Variants in ANO4 observed in about 807,000 individuals in gnomAD.
ANO4 encodes the protein anoctamin 4.
Under a neutral mutation model 141.9 loss-of-function variants are expected in ANO4, and 69 were observed. The observed-to-expected ratio is 0.49, with a 90% CI of 0.40 to 0.59. The LOEUF (loss-of-function observed/expected upper bound fraction) is 0.59. Ranked by LOEUF, ANO4 falls within the 20% of genes least tolerant of loss-of-function variation. The pLI, the probability that ANO4 is intolerant of heterozygous loss-of-function variation, is 0.00. For synonymous variants in ANO4, 350 were observed against 394.3 expected, an observed-to-expected ratio of 0.89 and a Z score of 1.33; for missense variants, 894 against 1,162.2, an observed-to-expected ratio of 0.77 and a Z score of 3.36.
intron 8 of ANO4, among the ~76,000 whole-genome samples, chr12:100,989,228 C>T (rs892772131): frequency 1.3e-5 from 2 of 151,988 alleles, no homozygotes; most frequent in Non-Finnish European, 2.9e-5. Flanking sequence ...AATCTTAGTT[C>T]GATCCTCAAG....
At chr12:100,791,824 A>G (rs1045046277), upstream of ANO4, among the ~76,000 whole-genome samples, 1 of 152,168 alleles carries the variant, frequency 6.6e-6, no homozygotes, top group African/African-American at 2.4e-5. Context: ...TACTTACACT[A>G]TGGGTGCTGC....
chr12:100,826,515 C>G (rs1395496053), intron 1 of ANO4, among the ~76,000 whole-genome samples: 1 of 151,974 alleles, frequency 6.6e-6, no homozygotes, highest in Non-Finnish European at 1.5e-5. Context: ...TCCATACCAG[C>G]GTGTTGGGTG....
chr12:100,743,940 A>G (rs2031984144), intron 3 of ANO4, among the ~76,000 whole-genome samples: 1 of 152,074 alleles, frequency 6.6e-6, no homozygotes, highest in African/African-American at 2.4e-5. Flanking sequence ...AATTTTTGAT[A>G]ACCAAGATTT....
intron 3 of ANO4, among the ~76,000 whole-genome samples, chr12:100,748,819 TC>T (rs2032231762): frequency 6.6e-6 from 1 of 152,202 alleles, no homozygotes; most frequent in African/African-American, 2.4e-5. Context: ...TGGGATGTCA[TC>T]TTCCTACTTC....
At chr12:100,812,474 A>G (rs1343242015) in intron 1 of ANO4, among the ~76,000 whole-genome samples, 1 of 152,164 alleles carries the variant, frequency 6.6e-6, no homozygotes, top group African/African-American at 2.4e-5. Flanking sequence ...ATTTATGTAT[A>G]TATATATTAC....
At chr12:100,741,648 A>G (rs1157604388) in intron 3 of ANO4, among the ~76,000 whole-genome samples, 1 of 152,202 alleles carries the variant, frequency 6.6e-6, no homozygotes, top group Non-Finnish European at 1.5e-5. Context: ...AGTTCTGCAC[A>G]TGGCAAAAGT....
At chr12:101,047,438 T>C (rs184690878) in intron 13 of ANO4, among the ~76,000 whole-genome samples, 15 of 152,278 alleles carry the variant, frequency 9.9e-5, no homozygotes, top group Admixed American at 8.5e-4. Flanking sequence ...TGCCCATCTC[T>C]CCTCTATTCA....
chr12:101,017,649 A>AG (rs1213631626), intron 8 of ANO4, among the ~76,000 whole-genome samples: 1 of 152,232 alleles, frequency 6.6e-6, no homozygotes, highest in African/African-American at 2.4e-5. Flanking sequence ...GAGTCACCAC[A>AG]GGGGTAGCCT....
At chr12:100,740,942 A>T (rs1237703623) in intron 3 of ANO4, among the ~76,000 whole-genome samples, 7 of 152,180 alleles carry the variant, frequency 4.6e-5, no homozygotes, top group African/African-American at 1.7e-4. Context: ...AATATTTATT[A>T]TCTGGCCCTT....
At chr12:100,849,862 G>A (rs1007972126) in intron 1 of ANO4, among the ~76,000 whole-genome samples, 4 of 152,136 alleles carry the variant, frequency 2.6e-5, no homozygotes, top group African/African-American at 9.7e-5. Context: ...AAATACCTGG[G>A]ACCTTGTGGG....
intron 14 of ANO4, among the ~76,000 whole-genome samples, chr12:101,049,596 A>C (rs2047778527): frequency 6.6e-6 from 1 of 152,066 alleles, no homozygotes; most frequent in South Asian, 2.1e-4. Flanking sequence ...GAAGGAAAGA[A>C]GGAAAAAGAG....
At chr12:101,035,544 G>GT (rs1186798269) in intron 9 of ANO4, among the ~76,000 whole-genome samples, 1 of 152,140 alleles carries the variant, frequency 6.6e-6, no homozygotes, top group Non-Finnish European at 1.5e-5. Flanking sequence ...CAGTAAAGCT[G>GT]TTTTTAAAAA....
chr12:100,964,257 T>C (rs1417910950), intron 5 of ANO4, among the ~76,000 whole-genome samples: 1 of 152,182 alleles, frequency 6.6e-6, no homozygotes, highest in African/African-American at 2.4e-5. Context: ...CCAGGCTCCA[T>C]TCCTTACTTG....
At chr12:101,058,008 AT>A (rs1331667245) in intron 14 of ANO4, among the ~76,000 whole-genome samples, 2 of 152,192 alleles carry the variant, frequency 1.3e-5, no homozygotes, top group African/African-American at 2.4e-5. Flanking sequence ...TTTACATTTA[AT>A]TTTTTAACCG....
intron 14 of ANO4, among the ~76,000 whole-genome samples, chr12:101,063,860 G>A (rs2048463262): frequency 7.0e-6 from 1 of 141,932 alleles, no homozygotes; most frequent in Non-Finnish European, 1.5e-5. Flanking sequence ...ATTCCTATAG[G>A]ATGTGTTATG....
Position 100,835,781 on chromosome 12 carries a change from T to C in ANO4, c.-141+40754T>C, listed in dbSNP as rs866872437. 3.3e-4 allele frequency among the ~76,000 whole-genome samples: 51 copies of C among 152,244 alleles called. 1 individual carries two copies. Among genetic ancestry groups the C allele is most frequent in the African/African-American group, 1.2e-3 (48 of 41,570 alleles). On this transcript the variant is annotated intron_variant, in intron 1 of 27. Transcript: ENST00000392977. ...ACAGATATCAGTGAGGCTGATAATT[T>C]GGATTTTTCTATTGCAACTGCTACT... is the stretch of plus-strand genomic sequence containing the variant.
chr12:100,929,942 A>C (rs1324277624), intron 3 of ANO4, among the ~76,000 whole-genome samples: 1 of 152,074 alleles, frequency 6.6e-6, no homozygotes, highest in Admixed American at 6.6e-5. Flanking sequence ...GGTGTTGAGC[A>C]CCTTTTCATG....
intron 1 of ANO4, among the ~76,000 whole-genome samples, chr12:100,858,296 T>TA (rs2038288374): frequency 6.6e-6 from 1 of 152,120 alleles, no homozygotes; most frequent in African/African-American, 2.4e-5. Flanking sequence ...TTGAATACTG[T>TA]AAAAAACTTT....
At chr12:100,784,561 C>A (rs1428207526) in intron 3 of ANO4, among the ~76,000 whole-genome samples, 2 of 152,166 alleles carry the variant, frequency 1.3e-5, no homozygotes, top group African/African-American at 4.8e-5. Flanking sequence ...CTGATTCTCT[C>A]GTTTTTACTC....
Sources: gnomAD v4.1 joint callset for allele counts (sites outside exome capture counted in the v4.1 genomes callset) on GRCh38, gnomAD v4.1.1 for gene constraint, MANE v1.5 for transcripts, NCBI Gene and HGNC (gene_info 2026-07-23, HGNC 2026-07-21) for gene names.